Variants in IDE observed in about 807,000 individuals in gnomAD.
IDE encodes insulin degrading enzyme, also known as insulin-degrading enzyme.
In IDE, 58 loss-of-function variants were observed where a neutral mutation model predicts 133.2. The observed-to-expected ratio is 0.44, with a 90% CI of 0.35 to 0.54. IDE has a LOEUF of 0.54. Among genes scored for constraint, IDE ranks in the 20% least tolerant of loss-of-function variants. The probability of loss-of-function intolerance (pLI) is 0.00; values close to 1 mark genes in which losing one functional copy is unlikely to be tolerated. For missense variants in IDE, 981 were observed against 1,234.0 expected, an observed-to-expected ratio of 0.79 and a Z score of 3.07; for synonymous variants, 396 against 421.3, an observed-to-expected ratio of 0.94 and a Z score of 0.73.
At position 92,515,120 on chromosome 10, in the gene IDE, T is replaced by C. The variant is rs149220434; in HGVS notation, c.662-78A>G. On this transcript the variant is annotated intron_variant, in intron 4 of 24. Transcript: ENST00000265986. Reference sequence around the variant, plus strand: ...AAAGTTTTGTAATTATCACTGATATTGCTTAAGATGAACTTTAAAAATAAA... The same window carrying C: ...AAAGTTTTGTAATTATCACTGATATCGCTTAAGATGAACTTTAAAAATAAA... 738 of 1,118,002 alleles carry C rather than the reference T, an allele frequency of 6.6e-4. 9 individuals carry two copies. The African/African-American group carries it at 0.011, about 16-fold the overall frequency. The allele number at this position is 1,118,002 out of a possible 1,614,324, so 69.3% of individuals were successfully genotyped here.
chr10:92,508,925 C>A (rs373080927), intron 6 of IDE, 35 bp from the exon 7 acceptor site: 2 of 1,503,510 alleles, frequency 1.3e-6, no homozygotes, highest in Non-Finnish European at 1.8e-6. Flanking sequence ...TAGCTATATA[C>A]GACTCCTACT....
intron 1 of IDE, among the ~76,000 whole-genome samples, chr10:92,540,611 CTAGTGAGTTTGACT>C (rs1842253305): frequency 6.6e-6 from 1 of 152,130 alleles, no homozygotes; most frequent in African/African-American, 2.4e-5. Flanking sequence ...GGTGCTTGAC[CTAGTGAGTTTGACT>C]TAGGTAACCA....
intron 4 of IDE, among the ~76,000 whole-genome samples, chr10:92,520,436 G>A (rs1849161915): frequency 6.6e-6 from 1 of 152,036 alleles, no homozygotes; most frequent in Non-Finnish European, 1.5e-5. Context: ...TTTTAGAAAC[G>A]TCTTAGAAAC....
At chr10:92,505,533 C>T (rs1248274180) in intron 10 of IDE, among the ~76,000 whole-genome samples, 1 of 152,160 alleles carries the variant, frequency 6.6e-6, no homozygotes, top group East Asian at 1.9e-4. Context: ...AGGTAAGACA[C>T]ATGAAATCCT....
chr10:92,516,182 T>C (rs1241729004), intron 4 of IDE, among the ~76,000 whole-genome samples: 3 of 135,146 alleles, frequency 2.2e-5, no homozygotes, highest in African/African-American at 8.3e-5. Flanking sequence ...GGAAACTCCG[T>C]CTCAAAAAAA....
At chr10:92,509,251 T>C (rs1305998976) in intron 6 of IDE, among the ~76,000 whole-genome samples, 2 of 152,226 alleles carry the variant, frequency 1.3e-5, no homozygotes, top group Non-Finnish European at 2.9e-5. Flanking sequence ...TGGTGATTCA[T>C]GATCCTAATA....
At position 92,487,969 on chromosome 10, in the gene IDE, G is replaced by C. The variant is rs117273311; in HGVS notation, c.1534-651C>G. ...GTGCCACCACACCCGACTAATTTTC[G>C]TATTTTTAGTAGAGATTGGGTTTCA... On this transcript the variant is annotated intron_variant, in intron 12 of 24. Coordinates refer to ENST00000265986, the MANE Select transcript of IDE (RefSeq NM_004969.4). Among the ~76,000 whole-genome samples the C allele has an allele frequency of 3.2e-4, 49 of 152,068 alleles. 1 individual carries two copies. In the East Asian group the frequency reaches 8.9e-3, roughly 28 times the overall value.
rs1275274610 is a variant in IDE, at chr10:92,573,019, T to C, written c.98+903A>G. On this transcript the variant is annotated intron_variant, in intron 1 of 24. Transcript: ENST00000265986. ...ACATAGAGGGTCCAGCACAGTGCCC[T>C]GCACTTAGTAGGTGCTGGCTATTAC... The C allele has an allele frequency of 7.1e-6, 7 of 985,082 alleles. No individual in the cohort carries two copies. The Admixed American group carries it at 4.3e-4, about 61-fold the overall frequency. The allele number at this position is 985,082 out of a possible 1,614,324, so 61.0% of individuals were successfully genotyped here.
intron 17 of IDE, among the ~76,000 whole-genome samples, chr10:92,470,614 A>C (rs1845916173): frequency 6.6e-6 from 1 of 152,028 alleles, no homozygotes; most frequent in Non-Finnish European, 1.5e-5. Context: ...ACAACCCTCC[A>C]TTACATTTAG....
intron 19 of IDE, 33 bp downstream of exon 19, chr10:92,468,846 G>T: frequency 8.9e-7 from 1 of 1,127,410 alleles, no homozygotes; most frequent in Non-Finnish European, 1.4e-6. Context: ...TGTCAAAATA[G>T]TCCATTCCCA....
intron 2 of IDE, 143 bp from the exon 3 acceptor site, chr10:92,534,928 A>G: frequency 1.6e-6 from 1 of 634,592 alleles, no homozygotes; most frequent in Non-Finnish European, 2.7e-6. Flanking sequence ...AAATGATATT[A>G]TTTAGAAAGT....
intron 24 of IDE, among the ~76,000 whole-genome samples, chr10:92,454,795 C>G (rs1035462473): frequency 1.3e-5 from 2 of 152,034 alleles, no homozygotes; most frequent in African/African-American, 2.4e-5. Flanking sequence ...TTTGGTTTTC[C>G]TCTGGGCAAA....
chr10:92,563,116 T>C (rs1159763367), intron 1 of IDE, among the ~76,000 whole-genome samples: 1 of 152,162 alleles, frequency 6.6e-6, no homozygotes, highest in Non-Finnish European at 1.5e-5. Context: ...CCGGGCGTGG[T>C]GGCAGGCGCC....
rs770956046 is a variant in IDE, at chr10:92,531,762, C to T, written c.647G>A (p.Ser216Asn). The change falls in exon 4 of 25, where the codon AGT becomes AAT. Residue 216 changes from serine to asparagine, a missense_variant. This residue lies in a region of IDE where 321 missense variants were observed against 339.3 expected (regional missense o/e 0.95). Transcript: ENST00000265986. ...TGTTGACAAACCTGTCCCAAATTTACTGAAGGGGTGTTTAGGATTCCCTGT... is the reference window on the plus strand; with the variant it reads ...TGTTGACAAACCTGTCCCAAATTTATTGAAGGGGTGTTTAGGATTCCCTGT... The part of the protein sequence containing the change: ...KATGNPKHPF[S>N]KFGTGNKYTL... 6.3e-7 allele frequency: 1 copy of T among 1,581,656 alleles called. No individual in the cohort carries two copies. The highest frequency in any genetic ancestry group is 8.6e-7 in the Non-Finnish European group (1 of 1,161,048).
Position 92,487,153 on chromosome 10 carries a change from G to C in IDE, c.1656+43C>G, listed in dbSNP as rs541133464. 42 of 1,582,544 alleles carry C rather than the reference G, an allele frequency of 2.7e-5. 1 individual carries two copies. In the East Asian group the frequency reaches 9.0e-4, roughly 34 times the overall value. On this transcript the variant is annotated intron_variant, in intron 13 of 24. Transcript: ENST00000265986. ...CATTTACCCAGTCCCCCATGTATTA[G>C]GTCTGTCCCCCAAATTTAAAATCAC... is the stretch of plus-strand genomic sequence containing the variant.
At chr10:92,548,120 G>A (rs992757438) in intron 1 of IDE, among the ~76,000 whole-genome samples, 2 of 151,966 alleles carry the variant, frequency 1.3e-5, no homozygotes, top group African/African-American at 4.8e-5. Context: ...AGCACTTTGG[G>A]AGGCCAAGGC....
Position 92,454,640 on chromosome 10 carries a change from TTAATA to T in IDE, c.2965-106_2965-102del. 3 of 785,150 alleles carry T rather than the reference TTAATA, an allele frequency of 3.8e-6. No individual in the cohort carries two copies. The South Asian group carries it at 4.3e-5, about 11-fold the overall frequency. The allele number at this position is 785,150 out of a possible 1,614,324, so 48.6% of individuals were successfully genotyped here. A position where few individuals can be genotyped will look rare whatever the true frequency, so the allele number is the denominator to read the frequency against. Reference sequence around the variant, plus strand: ...CACTGGGAGCATACCTCAGTTCTACTTAATATACTGTTTTTTTGTTTTGGCTTGAG... The same window carrying T: ...CACTGGGAGCATACCTCAGTTCTACTTACTGTTTTTTTGTTTTGGCTTGAG... On this transcript the variant is annotated intron_variant, in intron 24 of 24. Transcript: ENST00000265986.
intron 4 of IDE, among the ~76,000 whole-genome samples, chr10:92,515,338 C>T (rs550201983): frequency 1.9e-4 from 28 of 150,778 alleles, no homozygotes; most frequent in Non-Finnish European, 1.6e-4. Context: ...CGGCTCACTG[C>T]AAGCTCCGCC....
At chr10:92,507,898 C>T (rs1848381325) in intron 8 of IDE, among the ~76,000 whole-genome samples, 1 of 152,122 alleles carries the variant, frequency 6.6e-6, no homozygotes. Context: ...GCCAAGTCCA[C>T]ATTTAACAAG....
Sources: allele counts gnomAD v4.1 joint callset (sites outside exome capture counted in the v4.1 genomes callset), GRCh38; gene constraint gnomAD v4.1.1; regional missense constraint gnomAD v4.1.1; transcripts MANE v1.5; gene names NCBI Gene and HGNC (gene_info 2026-07-23, HGNC 2026-07-21).